Variants in OR4K14 observed in about 807,000 individuals in gnomAD.
The protein encoded by OR4K14 is olfactory receptor family 4 subfamily K member 14.
For synonymous variants in OR4K14, 153 were observed against 141.5 expected (o/e 1.08, Z -0.58); for missense variants, 406 against 373.6 (o/e 1.09, Z -0.72).
Position 20,014,638 on chromosome 14 carries a change from T to C in OR4K14, c.556A>G (p.Ile186Val), listed in dbSNP as rs1445097359. 1 of 1,613,886 alleles carries C rather than the reference T, an allele frequency of 6.2e-7. No individual in the cohort carries two copies. Among genetic ancestry groups the C allele is most frequent in the African/African-American group, 1.3e-5 (1 of 74,858 alleles). ...DSFFCDLPLV[I>V]KLACMDTYVL... Reference sequence around the variant, plus strand: ...TAGGTGTCCATGCAGGCAAGTTTGATCACCAGAGGGAGGTCACAGAAGAAG... The same window carrying C: ...TAGGTGTCCATGCAGGCAAGTTTGACCACCAGAGGGAGGTCACAGAAGAAG... Residue 186 changes from isoleucine to valine, a missense_variant, in exon 2 of 2, where the codon ATC (isoleucine) becomes GTC (valine). By Grantham distance (29) the Ile-to-Val change is conservative. Coordinates refer to ENST00000641793, the MANE Select transcript of OR4K14 (RefSeq NM_001004712.2).
intron 1 of OR4K14, among the ~76,000 whole-genome samples, chr14:20,016,549 T>C (rs200080560): frequency 2.8e-4 from 43 of 152,256 alleles, no homozygotes; most frequent in East Asian, 2.1e-3. Flanking sequence ...AATGGCTCGT[T>C]TACATAAAGT....
chr14:20,014,259 T>C lies in OR4K14; in HGVS notation c.*2A>G. 6.3e-7 allele frequency: 1 copy of C among 1,575,666 alleles called. No individual in the cohort carries two copies. The highest frequency in any genetic ancestry group is 8.6e-7 in the Non-Finnish European group (1 of 1,156,882). The stretch of plus-strand genomic sequence containing the variant: ...ACATCTAACACTATGGAAGGCTGGA[T>C]TTCATTGAAAAGTCACCCGTCGGTT... On this transcript the variant is annotated 3_prime_UTR_variant, in exon 2 of 2. Transcript: ENST00000641793.
chr14:20,017,557 T>C lies in OR4K14; in HGVS notation c.-30+1586A>G, dbSNP rs564967921. Among the ~76,000 whole-genome samples the C allele has an allele frequency of 4.6e-5, 7 of 152,022 alleles. No homozygotes were observed. The South Asian group carries it at 1.5e-3, about 32-fold the overall frequency. ...TTTATAGATTTATTATTTATAAACT[T>C]TCTCCGAGATGATTTAGAATGACTT... On this transcript the variant is annotated intron_variant, in intron 1 of 1. Coordinates refer to ENST00000641793, the MANE Select transcript of OR4K14 (RefSeq NM_001004712.2).
chr14:20,017,475 G>A (rs17120511), intron 1 of OR4K14, among the ~76,000 whole-genome samples: 36,153 of 151,556 alleles, frequency 0.24, 5,833 homozygotes, highest in African/African-American at 0.46. Flanking sequence ...AATTGTATTT[G>A]GGATAAAAAG....
chr14:20,018,638 A>G lies in OR4K14; in HGVS notation c.-30+505T>C, dbSNP rs113436834. ...ATTAAGTGAACAGAAAGTTGAAATA[A>G]TCAGATGGAAAACTCGGGAAACAAA... On this transcript the variant is annotated intron_variant, in intron 1 of 1. Coordinates refer to ENST00000641793, the MANE Select transcript of OR4K14 (RefSeq NM_001004712.2). 2.2e-3 allele frequency among the ~76,000 whole-genome samples: 332 copies of G among 152,178 alleles called. 1 individual carries two copies. The highest frequency in any genetic ancestry group is 7.6e-3 in the African/African-American group (315 of 41,580).
chr14:20,015,542 T>C (rs1877079712), intron 1 of OR4K14, among the ~76,000 whole-genome samples: 1 of 152,228 alleles, frequency 6.6e-6, no homozygotes, highest in South Asian at 2.1e-4. Context: ...GAGTAGGTTT[T>C]GCATTGTCAT....
Position 20,014,899 on chromosome 14 carries a change from T to C in OR4K14, c.295A>G (p.Met99Val), listed in dbSNP as rs774374038. The C allele has an allele frequency of 5.0e-6, 8 of 1,614,022 alleles. No homozygotes were observed. Among genetic ancestry groups the C allele is most frequent in the African/African-American group, 1.3e-5 (1 of 74,896 alleles). ...DQKLISFGGCMAQIFFLHFTG... is the reference protein window; with the variant it reads ...DQKLISFGGCVAQIFFLHFTG... ...AAGTGCAAGAAGAAGATTTGAGCCATACATCCTCCAAAGGAGATGAGTTTT... is the reference window on the plus strand; with the variant it reads ...AAGTGCAAGAAGAAGATTTGAGCCACACATCCTCCAAAGGAGATGAGTTTT... Residue 99 changes from methionine (M) to valine (V), a missense_variant, in exon 2 of 2, where the codon ATG becomes GTG. By Grantham distance (21) the Met-to-Val change is conservative. Transcript: ENST00000641793.
rs1294599868 is a variant in OR4K14 at position 20,014,557 on chromosome 14, GA to G, written c.636del (p.Leu213CysfsTer4). ...ACGGTGTAGGAGATCAGGAGGAGCA[GA>G]AAACAGCTCAAGGAAAGCAACCCAC... Reference protein sequence around the residue: ...SDSGLLSLSCFLLLLISYTVI... With the variant: ...SDSGLLSLSCXLLLLISYTVI... On this transcript the variant is annotated frameshift_variant, in exon 2 of 2. Transcript: ENST00000641793. LOFTEE classifies it low-confidence loss of function (END_TRUNC). The G allele has an allele frequency of 1.9e-6, 3 of 1,614,096 alleles. No homozygotes were observed. In the South Asian group the frequency reaches 3.3e-5, roughly 18 times the overall value.
chr14:20,018,653 C>T (rs1184320111), intron 1 of OR4K14, among the ~76,000 whole-genome samples: 2 of 151,786 alleles, frequency 1.3e-5, no homozygotes, highest in African/African-American at 2.4e-5. Flanking sequence ...ATGGAAAACT[C>T]GGGAAACAAA....
Position 20,014,380 on chromosome 14 carries a change from GCAGCTT to G in OR4K14, c.808_813del (p.Lys270_Leu271del), listed in dbSNP as rs1260090416. ...GTAAAAATGGTATAAAACACAGACA[GCAGCTT>G]GTCCACAGAGAACCTACTGAAAGGC... On this transcript the variant is annotated inframe_deletion, in exon 2 of 2. Transcript: ENST00000641793. The G allele has an allele frequency of 6.2e-7, 1 of 1,613,840 alleles. No individual in the cohort carries two copies. Among genetic ancestry groups the G allele is most frequent in the Non-Finnish European group, 8.5e-7 (1 of 1,179,868 alleles).
rs1877075517 is a variant in OR4K14, at chr14:20,015,344, A to G, written c.-29-122T>C. 5.5e-6 allele frequency: 3 copies of G among 549,940 alleles called. No individual in the cohort carries two copies. In the East Asian group the frequency reaches 9.0e-5, roughly 16 times the overall value. The allele number at this position is 549,940 out of a possible 1,614,324, so 34.1% of individuals were successfully genotyped here. A position where few individuals can be genotyped will look rare whatever the true frequency, so the allele number is the denominator to read the frequency against. ...TGTCACTTAATATGTGGAATCTAAA[A>G]AAGTCAAACTTACAGAAATAGAAAG... On this transcript the variant is annotated intron_variant, in intron 1 of 1. Transcript: ENST00000641793.
Position 20,014,372 on chromosome 14 carries a change from C to T in OR4K14, c.822G>A (p.Val274=). 6.2e-7 allele frequency: 1 copy of T among 1,613,832 alleles called. No homozygotes were observed. Among genetic ancestry groups the T allele is most frequent in the Non-Finnish European group, 8.5e-7 (1 of 1,179,858 alleles). Reference sequence around the variant, plus strand: ...GGAGTGGAGTAAAAATGGTATAAAACACAGACAGCAGCTTGTCCACAGAGA... The same window carrying T: ...GGAGTGGAGTAAAAATGGTATAAAATACAGACAGCAGCTTGTCCACAGAGA... ...SRFSVDKLLS[V]FYTIFTPLLN... Residue 274 remains valine, a synonymous_variant, in exon 2 of 2, where the codon GTG becomes GTA. Coordinates refer to ENST00000641793, the MANE Select transcript of OR4K14 (RefSeq NM_001004712.2).
chr14:20,014,655 C>G lies in OR4K14; in HGVS notation c.539G>C (p.Cys180Ser). The G allele has an allele frequency of 6.2e-7, 1 of 1,614,064 alleles. No individual in the cohort carries two copies. Among genetic ancestry groups the G allele is most frequent in the Non-Finnish European group, 8.5e-7 (1 of 1,179,992 alleles). ...CGPNEVDSFF[C>S]DLPLVIKLAC... ...AAGTTTGATCACCAGAGGGAGGTCA[C>G]AGAAGAAGCTGTCTACCTCATTGGG... is the stretch of plus-strand genomic sequence containing the variant. The change falls in exon 2 of 2, where the codon TGT becomes TCT. Residue 180 changes from cysteine to serine, a missense_variant. By Grantham distance (112) the Cys-to-Ser change is moderately radical. Transcript: ENST00000641793.
chr14:20,014,763 C>A lies in OR4K14; in HGVS notation c.431G>T (p.Arg144Met). Residue 144 changes from arginine to methionine, a missense_variant, in exon 2 of 2, where the codon AGG (arginine) becomes ATG (methionine). Transcript: ENST00000641793. ...MTLMSWQTCI[R>M]LVLASWVVGF... ...AACGACCCATGAAGCCAGCACCAGC[C>A]TGATGCAAGTCTGCCAACTCATCAA... 6.2e-7 allele frequency: 1 copy of A among 1,614,096 alleles called. No individual in the cohort carries two copies. The highest frequency in any genetic ancestry group is 8.5e-7 in the Non-Finnish European group (1 of 1,180,004).
chr14:20,014,397 A>G lies in OR4K14; in HGVS notation c.797T>C (p.Phe266Ser). 2 of 1,614,066 alleles carry G rather than the reference A, an allele frequency of 1.2e-6. No homozygotes were observed. The highest frequency in any genetic ancestry group is 1.7e-6 in the Non-Finnish European group (2 of 1,179,982). ...CACAGACAGCAGCTTGTCCACAGAGAACCTACTGAAAGGCCGCACATAAAC... is the reference window on the plus strand; with the variant it reads ...CACAGACAGCAGCTTGTCCACAGAGGACCTACTGAAAGGCCGCACATAAAC... The part of the protein sequence containing the change: ...IFVYVRPFSR[F>S]SVDKLLSVFY... Residue 266 changes from phenylalanine to serine, a missense_variant, in exon 2 of 2, where the codon TTC (phenylalanine) becomes TCC (serine). Physicochemically the swap from Phe to Ser is radical, Grantham distance 155. Transcript: ENST00000641793.
chr14:20,014,283 T>A lies in OR4K14; in HGVS notation c.911A>T (p.Asn304Ile). ...EMKAAMKKLQ[N>I]RRVTFQ ...ATTTCATTGAAAAGTCACCCGTCGG[T>A]TTTGCAGTTTCTTCATAGCTGCTTT... The change falls in exon 2 of 2, where the codon AAC becomes ATC. Residue 304 changes from asparagine to isoleucine, a missense_variant. Transcript: ENST00000641793. The A allele has an allele frequency of 6.2e-7, 1 of 1,605,430 alleles. No homozygotes were observed. The highest frequency in any genetic ancestry group is 8.5e-7 in the Non-Finnish European group (1 of 1,175,414).
Position 20,014,583 on chromosome 14 carries a change from C to A in OR4K14, c.611G>T (p.Ser204Ile), listed in dbSNP as rs1488090242. ...YVLGIIMISD[S>I]GLLSLSCFLL... ...AAAACAGCTCAAGGAAAGCAACCCA[C>A]TGTCTGAGATCATAATTATACCCAA... The change falls in exon 2 of 2, where the codon AGT (serine) becomes ATT (isoleucine). Residue 204 changes from serine to isoleucine, a missense_variant. Transcript: ENST00000641793. The A allele has an allele frequency of 6.2e-7, 1 of 1,613,972 alleles. No individual in the cohort carries two copies. The highest frequency in any genetic ancestry group is 8.5e-7 in the Non-Finnish European group (1 of 1,179,988).
Position 20,014,816 on chromosome 14 carries a change from G to T in OR4K14, c.378C>A (p.Ala126=), listed in dbSNP as rs768042797. Residue 126 remains alanine (A), a synonymous_variant, in exon 2 of 2, where the codon GCC becomes GCA. Coordinates refer to ENST00000641793, the MANE Select transcript of OR4K14 (RefSeq NM_001004712.2). ...TCATGTAATGCAAGGGTTTGCATATGGCCACATATCTGTCATAGGCCATGG... is the reference window on the plus strand; with the variant it reads ...TCATGTAATGCAAGGGTTTGCATATTGCCACATATCTGTCATAGGCCATGG... ...LVSMAYDRYV[A]ICKPLHYMTL... is the part of the protein sequence containing the mutation. 1.2e-6 allele frequency: 2 copies of T among 1,614,008 alleles called. No homozygotes were observed. Among genetic ancestry groups the T allele is most frequent in the Non-Finnish European group, 1.7e-6 (2 of 1,179,952 alleles).
chr14:20,015,164 T>G lies in OR4K14; in HGVS notation c.30A>C (p.Ser10=). The change falls in exon 2 of 2, where the codon TCA becomes TCC. Residue 10 remains serine (S), a synonymous_variant. Coordinates refer to ENST00000641793, the MANE Select transcript of OR4K14 (RefSeq NM_001004712.2). MDPQNYSLV[S]EFVLHGLCTS... ...TGCAGAGTCCATGCAACACAAATTC[T>G]GACACCAAGGAATAGTTCTGTGGGT... The G allele has an allele frequency of 6.2e-7, 1 of 1,611,598 alleles. No individual in the cohort carries two copies.
Sources: gnomAD v4.1 joint callset for allele counts (sites outside exome capture counted in the v4.1 genomes callset) on GRCh38, gnomAD v4.1.1 for gene constraint, MANE v1.5 for transcripts, NCBI Gene and HGNC (gene_info 2026-07-23, HGNC 2026-07-21) for gene names.